The following NXPH2 variants were observed in gnomAD, a reference collection of about 807,000 sequenced individuals.
The protein encoded by NXPH2 is neurexophilin 2.
A neutral mutation model predicts 19.8 loss-of-function variants in NXPH2; 5 were observed. The observed-to-expected ratio is 0.25, with a 90% CI of 0.13 to 0.53. NXPH2 has a LOEUF of 0.53. Among genes scored for constraint, NXPH2 ranks in the 20% least tolerant of loss-of-function variants. NXPH2 has a pLI of 0.96. For missense variants in NXPH2, 289 were observed against 322.8 expected (o/e 0.90, Z 0.80); for synonymous variants, 154 against 127.4 (o/e 1.21, Z -1.41).
At chr2:138,740,199 G>A (rs907854735) in intron 1 of NXPH2, among the ~76,000 whole-genome samples, 5 of 152,200 alleles carry the variant, frequency 3.3e-5, no homozygotes, top group Non-Finnish European at 7.4e-5. Context: ...AAAGGGTGAG[G>A]CTAGTGTAGA....
At chr2:138,684,214 G>A (rs1274565650) in intron 1 of NXPH2, among the ~76,000 whole-genome samples, 2 of 152,168 alleles carry the variant, frequency 1.3e-5, no homozygotes, top group East Asian at 3.9e-4. Flanking sequence ...AGTATTGAGA[G>A]GCAGCAATAA....
intron 1 of NXPH2, among the ~76,000 whole-genome samples, chr2:138,701,405 G>C (rs1680920787): frequency 6.6e-6 from 1 of 152,124 alleles, no homozygotes; most frequent in Non-Finnish European, 1.5e-5. Context: ...GGAATACAAA[G>C]ATGGATAGGA....
intron 1 of NXPH2, among the ~76,000 whole-genome samples, chr2:138,707,425 A>G (rs898948732): frequency 1.3e-5 from 2 of 152,160 alleles, no homozygotes. Flanking sequence ...TATTTTTATG[A>G]ATCACTTGTG....
Position 138,716,098 on chromosome 2 carries a change from C to T in NXPH2, c.52-44433G>A, listed in dbSNP as rs559373769. Among the ~76,000 whole-genome samples, 577 of 152,244 alleles carry T rather than the reference C, an allele frequency of 3.8e-3. 3 individuals are homozygous for T. The highest frequency in any genetic ancestry group is 6.2e-3 in the Non-Finnish European group (421 of 67,996). On this transcript the variant is annotated intron_variant, in intron 1 of 1. Coordinates refer to ENST00000272641, the MANE Select transcript of NXPH2 (RefSeq NM_007226.3). ...AAAACTGCTATTATCTCTGGTGTTT[C>T]TGGTTTTAGTTTTTCTTACTCTGAT...
At chr2:138,686,005 T>A (rs1359290817) in intron 1 of NXPH2, among the ~76,000 whole-genome samples, 1 of 152,188 alleles carries the variant, frequency 6.6e-6, no homozygotes, top group African/African-American at 2.4e-5. Context: ...TGATTTACAA[T>A]AAGTACCTAA....
At chr2:138,723,763 T>C (rs899179902) in intron 1 of NXPH2, among the ~76,000 whole-genome samples, 1 of 152,108 alleles carries the variant, frequency 6.6e-6, no homozygotes, top group Non-Finnish European at 1.5e-5. Context: ...CGCCCACACC[T>C]CACAGCTGTT....
intron 1 of NXPH2, among the ~76,000 whole-genome samples, chr2:138,697,831 A>G (rs1291227246): frequency 6.6e-6 from 1 of 152,084 alleles, no homozygotes; most frequent in Non-Finnish European, 1.5e-5. Flanking sequence ...CAACATTACT[A>G]CTAATTAAGT....
At chr2:138,777,474 T>C (rs935111971) in intron 1 of NXPH2, among the ~76,000 whole-genome samples, 5 of 152,146 alleles carry the variant, frequency 3.3e-5, no homozygotes, top group African/African-American at 1.2e-4. Context: ...ACATTCTTCC[T>C]AGCCTACTTG....
At chr2:138,763,487 T>A (rs1412560209) in intron 1 of NXPH2, among the ~76,000 whole-genome samples, 2 of 152,206 alleles carry the variant, frequency 1.3e-5, no homozygotes, top group Non-Finnish European at 2.9e-5. Context: ...AATGTGGATG[T>A]TGTTGACTGA....
At chr2:138,760,763 C>T (rs1681998987) in intron 1 of NXPH2, among the ~76,000 whole-genome samples, 1 of 152,184 alleles carries the variant, frequency 6.6e-6, no homozygotes, top group African/African-American at 2.4e-5. Context: ...TATCCCAGAT[C>T]ACTGCATACT....
In NXPH2 at chr2:138,741,723, C is replaced by T. The variant is rs528430398; in HGVS notation, c.51+38468G>A. Among the ~76,000 whole-genome samples, 14 of 152,294 alleles carry T rather than the reference C, an allele frequency of 9.2e-5. No individual in the cohort carries two copies. The South Asian group carries it at 2.5e-3, about 27-fold the overall frequency. On this transcript the variant is annotated intron_variant, in intron 1 of 1. Transcript: ENST00000272641. ...TACTTAGTGGATTACATACTTTCTG[C>T]AGTGGTTACAACTAATCCTATTCTG...
chr2:138,774,543 T>C (rs1682230040), intron 1 of NXPH2, among the ~76,000 whole-genome samples: 2 of 152,340 alleles, frequency 1.3e-5, no homozygotes, highest in African/African-American at 4.8e-5. Flanking sequence ...TTACAACATA[T>C]TAAAAAAGGA....
At chr2:138,721,296 G>A (rs1681275435) in intron 1 of NXPH2, among the ~76,000 whole-genome samples, 1 of 151,514 alleles carries the variant, frequency 6.6e-6, no homozygotes. Flanking sequence ...AGCCGAGATT[G>A]CACCACTGCA....
At chr2:138,692,817 T>C (rs1680764286) in intron 1 of NXPH2, among the ~76,000 whole-genome samples, 1 of 152,180 alleles carries the variant, frequency 6.6e-6, no homozygotes. Context: ...AGAAAGCAGT[T>C]AGAAGAGGCC....
chr2:138,735,271 G>A (rs1558925352), intron 1 of NXPH2, among the ~76,000 whole-genome samples: 1 of 152,084 alleles, frequency 6.6e-6, no homozygotes, highest in Non-Finnish European at 1.5e-5. Context: ...CTGTTTTCAT[G>A]ATGCTGATAA....
intron 1 of NXPH2, among the ~76,000 whole-genome samples, chr2:138,742,987 T>A (rs1681668100): frequency 6.6e-6 from 1 of 152,214 alleles, no homozygotes; most frequent in Admixed American, 6.5e-5. Context: ...TAAATCCATG[T>A]GTATTAGTAT....
intron 1 of NXPH2, among the ~76,000 whole-genome samples, chr2:138,770,524 A>T (rs908543390): frequency 2.6e-5 from 4 of 152,118 alleles, no homozygotes; most frequent in African/African-American, 9.6e-5. Flanking sequence ...TGTTCAATAA[A>T]AAGAGTCAAA....
chr2:138,773,560 TA>T (rs941861932), intron 1 of NXPH2, among the ~76,000 whole-genome samples: 1 of 152,202 alleles, frequency 6.6e-6, no homozygotes, highest in Non-Finnish European at 1.5e-5. Flanking sequence ...CATGTGTTTT[TA>T]ACAGCCATAC....
At chr2:138,722,252 G>A (rs1468022312) in intron 1 of NXPH2, among the ~76,000 whole-genome samples, 1 of 152,258 alleles carries the variant, frequency 6.6e-6, no homozygotes, top group East Asian at 1.9e-4. Context: ...GAATCCGTGA[G>A]AAGGTCATAT....
Sources: allele counts gnomAD v4.1 joint callset (sites outside exome capture counted in the v4.1 genomes callset), GRCh38; gene constraint gnomAD v4.1.1; transcripts MANE v1.5; gene names NCBI Gene and HGNC (gene_info 2026-07-23, HGNC 2026-07-21).